PHACTR2: variants seen among roughly 807,000 people sequenced by gnomAD.
PHACTR2 encodes phosphatase and actin regulator 2.
PHACTR2 carries 30 observed loss-of-function variants against 76.0 expected under a neutral mutation model. The observed-to-expected ratio is 0.39, with a 90% CI of 0.30 to 0.54. The LOEUF (loss-of-function observed/expected upper bound fraction) is 0.54. PHACTR2 is among the 20% of genes least tolerant of loss of function. PHACTR2 has a pLI of 0.61. For missense variants in PHACTR2, 696 were observed against 781.1 expected (o/e 0.89, Z 1.30); for synonymous variants, 292 against 292.5 (o/e 1.00, Z 0.02).
intron 1 of PHACTR2, among the ~76,000 whole-genome samples, chr6:143,657,244 T>TAA (rs35861745): frequency 2.0e-5 from 3 of 148,904 alleles, no homozygotes; most frequent in Admixed American, 6.7e-5. Context: ...AGAATTTAAG[T>TAA]AAAAAAAAAA....
intron 2 of PHACTR2, among the ~76,000 whole-genome samples, chr6:143,728,601 GT>G (rs1239286914): frequency 1.3e-5 from 2 of 152,074 alleles, no homozygotes; most frequent in Non-Finnish European, 2.9e-5. Context: ...CAAGTCTATA[GT>G]AACCAAAACA....
At chr6:143,666,275 C>T (rs1261141785) in intron 1 of PHACTR2, among the ~76,000 whole-genome samples, 2 of 152,180 alleles carry the variant, frequency 1.3e-5, no homozygotes, top group African/African-American at 4.8e-5. Flanking sequence ...TCCAGTCTAT[C>T]ATTGATGTAC....
chr6:143,689,165 T>G lies in PHACTR2; in HGVS notation c.46+10956T>G, dbSNP rs933951136. On this transcript the variant is annotated intron_variant, in intron 1 of 12. Transcript: ENST00000440869. The surrounding 1 kb of genome is among the most constrained non-coding windows in gnomAD (Gnocchi z 4.4). ...TGGATCCTTGTGCTTCATAGAGACC[T>G]TCCCTGCCTACCCCTCTCCAGAATA... Among the ~76,000 whole-genome samples the G allele has an allele frequency of 6.6e-6, 1 of 152,188 alleles. No homozygotes were observed. The highest frequency in any genetic ancestry group is 2.4e-5 in the African/African-American group (1 of 41,444).
intron 1 of PHACTR2, among the ~76,000 whole-genome samples, chr6:143,660,812 G>A (rs1003522794): frequency 2.6e-5 from 4 of 152,106 alleles, no homozygotes; most frequent in African/African-American, 7.2e-5. Context: ...ACAAATTATA[G>A]GAGAAGTACA....
In PHACTR2 at chr6:143,580,626, T is replaced by C. The variant is rs1275350557; in HGVS notation, c.217+43419T>C. ...AGGCAGAGGTTGCAGTGAACTGAGATCATGCCACTGTACTCCAGCCTGGGT... is the reference window on the plus strand; with the variant it reads ...AGGCAGAGGTTGCAGTGAACTGAGACCATGCCACTGTACTCCAGCCTGGGT... On this transcript the variant is annotated intron_variant, in intron 1 of 11. Transcript: ENST00000367584. The surrounding 1 kb of genome is among the most constrained non-coding windows in gnomAD (Gnocchi z 4.2). 6.6e-6 allele frequency among the ~76,000 whole-genome samples: 1 copy of C among 152,168 alleles called. No homozygotes were observed. The highest frequency in any genetic ancestry group is 1.5e-5 in the Non-Finnish European group (1 of 68,034).
intron 9 of PHACTR2, among the ~76,000 whole-genome samples, chr6:143,779,056 A>G (rs1562304124): frequency 6.6e-6 from 1 of 152,152 alleles, no homozygotes; most frequent in African/African-American, 2.4e-5. Context: ...AAACAGAGGC[A>G]TATTTCCAGC....
At chr6:143,670,146 C>G (rs60227707) in intron 1 of PHACTR2, among the ~76,000 whole-genome samples, 2 of 152,038 alleles carry the variant, frequency 1.3e-5, no homozygotes, top group Non-Finnish European at 2.9e-5. Flanking sequence ...GTTGAAAATT[C>G]TTTTAAGAAT....
Position 143,641,658 on chromosome 6 carries a change from C to T in PHACTR2, c.13+33336C>T, listed in dbSNP as rs955896995. 4.6e-5 allele frequency among the ~76,000 whole-genome samples: 7 copies of T among 152,072 alleles called. No individual in the cohort carries two copies. Among genetic ancestry groups the T allele is most frequent in the African/African-American group, 1.7e-4 (7 of 41,392 alleles). ...AGTAGCTGGGATTACAGGCATGCAC[C>T]ACCCTGCCCAGCTAATTTTGTATTT... On this transcript the variant is annotated intron_variant, in intron 1 of 11. Coordinates refer to the PHACTR2 transcript ENST00000305766. The surrounding 1 kb of genome is among the most constrained non-coding windows in gnomAD (Gnocchi z 5.8).
chr6:143,670,146 C>A (rs60227707), intron 1 of PHACTR2, among the ~76,000 whole-genome samples: 1 of 152,156 alleles, frequency 6.6e-6, no homozygotes, highest in East Asian at 1.9e-4. Flanking sequence ...GTTGAAAATT[C>A]TTTTAAGAAT....
In PHACTR2 at chr6:143,801,374, T is replaced by A. The variant is rs1172575382; in HGVS notation, c.1846-5683T>A. Reference sequence around the variant, plus strand: ...TTGGTCTTTTCACATAGTCTCATATTTATTGGAGGCTTTGTTCATTTCTTT... The same window carrying A: ...TTGGTCTTTTCACATAGTCTCATATATATTGGAGGCTTTGTTCATTTCTTT... On this transcript the variant is annotated intron_variant, in intron 11 of 12. Coordinates refer to ENST00000440869, the MANE Select transcript of PHACTR2 (RefSeq NM_001100164.2). This position sits in a 1 kb window ranked among gnomAD's most constrained non-coding sequence, Gnocchi z 4.6. Among the ~76,000 whole-genome samples, 1 of 152,230 alleles carries A rather than the reference T, an allele frequency of 6.6e-6. No homozygotes were observed. Among genetic ancestry groups the A allele is most frequent in the Non-Finnish European group, 1.5e-5 (1 of 68,038 alleles).
At chr6:143,676,286 A>G (rs146334519), upstream of PHACTR2, among the ~76,000 whole-genome samples, 90 of 152,372 alleles carry the variant, frequency 5.9e-4, 1 homozygote, top group Admixed American at 5.2e-3. This position sits in a 1 kb window ranked among gnomAD's most constrained non-coding sequence, Gnocchi z 4.8. Context: ...AACTGGAACT[A>G]TAGTGCACCT....
rs551572301 is a variant in PHACTR2 at position 143,632,074 on chromosome 6, C to A, written c.13+23752C>A. Among the ~76,000 whole-genome samples, 4 of 152,290 alleles carry A rather than the reference C, an allele frequency of 2.6e-5. No individual in the cohort carries two copies. The East Asian group carries it at 7.7e-4, about 29-fold the overall frequency. On this transcript the variant is annotated intron_variant, in intron 1 of 11. Transcript: ENST00000305766. ...GATGGTTCACCTCCCAACCTGGCCCCCTGCCCCTCCCTGGCCCTGACTCTA... is the reference window on the plus strand; with the variant it reads ...GATGGTTCACCTCCCAACCTGGCCCACTGCCCCTCCCTGGCCCTGACTCTA...
At chr6:143,752,754 A>G (rs1779213529) in intron 3 of PHACTR2, among the ~76,000 whole-genome samples, 1 of 152,192 alleles carries the variant, frequency 6.6e-6, no homozygotes, top group Non-Finnish European at 1.5e-5. Context: ...GATTGCCAAG[A>G]TAAGAGTAGT....
rs1258845332 is a variant in PHACTR2 at position 143,562,062 on chromosome 6, T to C, written c.217+24855T>C. 6.6e-6 allele frequency: 1 copy of C among 152,136 alleles called. No individual in the cohort carries two copies. Among genetic ancestry groups the C allele is most frequent in the African/African-American group, 2.4e-5 (1 of 41,426 alleles). The allele number at this position is 152,136 out of a possible 1,614,324, so 9.4% of individuals were successfully genotyped here. On this transcript the variant is annotated intron_variant, in intron 1 of 11. Transcript: ENST00000367584. The surrounding 1 kb of genome is among the most constrained non-coding windows in gnomAD (Gnocchi z 5.1). ...CATTCTTCAAAACCCTAGTCAGATATTGTTACTTCACTGAAAACTCTCACC... is the reference window on the plus strand; with the variant it reads ...CATTCTTCAAAACCCTAGTCAGATACTGTTACTTCACTGAAAACTCTCACC...
At position 143,611,814 on chromosome 6, in the gene PHACTR2, A is replaced by T. The variant is rs1775979727; in HGVS notation, c.13+3492A>T. 6.6e-6 allele frequency among the ~76,000 whole-genome samples: 1 copy of T among 152,228 alleles called. No individual in the cohort carries two copies. Among genetic ancestry groups the T allele is most frequent in the Non-Finnish European group, 1.5e-5 (1 of 68,038 alleles). Reference sequence around the variant, plus strand: ...AAGAGACTAGTCAAGTGGCTGTCTCAGAAGTAGAACTGGAAATTTATGTGG... The same window carrying T: ...AAGAGACTAGTCAAGTGGCTGTCTCTGAAGTAGAACTGGAAATTTATGTGG... On this transcript the variant is annotated intron_variant, in intron 1 of 11. Transcript: ENST00000305766. This position sits in a 1 kb window ranked among gnomAD's most constrained non-coding sequence, Gnocchi z 4.4.
intron 1 of PHACTR2, among the ~76,000 whole-genome samples, chr6:143,629,679 G>A (rs1290514787): frequency 3.3e-5 from 5 of 152,086 alleles, no homozygotes; most frequent in African/African-American, 1.2e-4. Context: ...GTACTGTGGA[G>A]TTGTTTACAT....
chr6:143,765,155 C>T lies in PHACTR2; in HGVS notation c.695-106C>T, dbSNP rs1779526805. The T allele has an allele frequency of 1.1e-6, 1 of 890,232 alleles. No individual in the cohort carries two copies. The highest frequency in any genetic ancestry group is 1.7e-6 in the Non-Finnish European group (1 of 578,424). The allele number at this position is 890,232 out of a possible 1,614,324, so 55.1% of individuals were successfully genotyped here. A position where few individuals can be genotyped will look rare whatever the true frequency, so the allele number is the denominator to read the frequency against. The stretch of plus-strand genomic sequence containing the variant: ...TTCTCTTATACATTTATTCAACAAA[C>T]TTTAAAGGGAACATTTTAAATGTTG... On this transcript the variant is annotated intron_variant, in intron 5 of 12. Transcript: ENST00000440869. The surrounding 1 kb of genome is among the most constrained non-coding windows in gnomAD (Gnocchi z 4.1).
chr6:143,674,940 T>C (rs1562265873), upstream of PHACTR2, among the ~76,000 whole-genome samples: 1 of 152,226 alleles, frequency 6.6e-6, no homozygotes, highest in Non-Finnish European at 1.5e-5. The surrounding 1 kb of genome is among the most constrained non-coding windows in gnomAD (Gnocchi z 4.9). Context: ...AGATTGCCAA[T>C]GTTTAGGCTT....
rs1373733012 is a variant in PHACTR2 at position 143,671,071 on chromosome 6, A to C, written c.14-40945A>C. On this transcript the variant is annotated intron_variant, in intron 1 of 11. Transcript: ENST00000305766. This position sits in a 1 kb window ranked among gnomAD's most constrained non-coding sequence, Gnocchi z 4.6. ...CAGCCTCCCGAGTAGCTGGGATTAC[A>C]GGAATGCGCCACCATGCCCAGCTAA... Among the ~76,000 whole-genome samples the C allele has an allele frequency of 2.0e-5, 3 of 152,020 alleles. No homozygotes were observed. Among genetic ancestry groups the C allele is most frequent in the Non-Finnish European group, 4.4e-5 (3 of 68,000 alleles).
Sources: allele counts gnomAD v4.1 joint callset (sites outside exome capture counted in the v4.1 genomes callset), GRCh38; gene constraint gnomAD v4.1.1; non-coding constraint Gnocchi (gnomAD v3.1); transcripts MANE v1.5; gene names NCBI Gene and HGNC (gene_info 2026-07-23, HGNC 2026-07-21).